Variants in TUBGCP3 observed in about 807,000 individuals in gnomAD.
The protein encoded by TUBGCP3 is gamma-tubulin complex component 3.
Under a neutral mutation model 123.1 loss-of-function variants are expected in TUBGCP3, and 50 were observed. That is an observed-to-expected ratio of 0.41 (90% confidence interval 0.32 to 0.51). The LOEUF (loss-of-function observed/expected upper bound fraction) is 0.51. Among genes scored for constraint, TUBGCP3 ranks in the 20% least tolerant of loss-of-function variants. The pLI is 0.36. For missense variants in TUBGCP3, 882 were observed against 1,127.0 expected (o/e 0.78, Z 3.11); for synonymous variants, 405 against 413.9 (o/e 0.98, Z 0.26).
At chr13:112,587,296 T>C (rs1279199964) in intron 1 of TUBGCP3, 4 of 152,264 alleles carry the variant, frequency 2.6e-5, no homozygotes, top group Non-Finnish European at 5.9e-5. Flanking sequence ...AATAGTTTTA[T>C]ATCAAATCCA....
At chr13:112,554,562 C>G (rs1453294088) in intron 7 of TUBGCP3, among the ~76,000 whole-genome samples, 1 of 152,208 alleles carries the variant, frequency 6.6e-6, no homozygotes, top group Non-Finnish European at 1.5e-5. Flanking sequence ...GACCTGGAAT[C>G]CTGCATCAAT....
chr13:112,542,811 T>G (rs1308317314), intron 11 of TUBGCP3, among the ~76,000 whole-genome samples: 2 of 152,038 alleles, frequency 1.3e-5, no homozygotes, highest in African/African-American at 4.8e-5. Flanking sequence ...TATAAAAAAT[T>G]AAAAATATAA....
At chr13:112,488,131 CAAA>C (rs35453839) in intron 21 of TUBGCP3, among the ~76,000 whole-genome samples, 66 of 53,402 alleles carry the variant, frequency 1.2e-3, no homozygotes, top group South Asian at 4.0e-3. Flanking sequence ...GACTTGGTCT[CAAA>C]AAAAAAAAAA....
the TUBGCP3 span, among the ~76,000 whole-genome samples, chr13:112,599,749 G>C: frequency 0.15 from 22,981 of 151,936 alleles, 2,028 homozygotes; most frequent in East Asian, 0.21. Context: ...TCAAACTCCT[G>C]ACCTCGTGAT....
At chr13:112,517,071 T>C (rs1198012944) in intron 16 of TUBGCP3, among the ~76,000 whole-genome samples, 3 of 152,152 alleles carry the variant, frequency 2.0e-5, no homozygotes, top group Non-Finnish European at 2.9e-5. Flanking sequence ...GGCTGGAGTG[T>C]AGTGGTGAGA....
intron 1 of TUBGCP3, among the ~76,000 whole-genome samples, chr13:112,577,370 C>T (rs1881902211): frequency 6.6e-6 from 1 of 152,102 alleles, no homozygotes; most frequent in African/African-American, 2.4e-5. Context: ...TGGGGGTCTT[C>T]CTCCCAAAAA....
chr13:112,554,019 T>C (rs759613704), intron 8 of TUBGCP3, 38 bp downstream of exon 8: 58 of 1,595,752 alleles, frequency 3.6e-5, no homozygotes, highest in Non-Finnish European at 4.8e-5. Context: ...TTTCCCAAAG[T>C]GCGCAGCATC....
chr13:112,578,960 G>C (rs1265202186), intron 1 of TUBGCP3, among the ~76,000 whole-genome samples: 1 of 152,170 alleles, frequency 6.6e-6, no homozygotes, highest in Non-Finnish European at 1.5e-5. Context: ...GAGTTTGGCA[G>C]AGTTCCTACA....
chr13:112,522,508 A>C lies in TUBGCP3; in HGVS notation c.1557T>G (p.Ala519=). 7 of 1,610,654 alleles carry C rather than the reference A, an allele frequency of 4.3e-6. No homozygotes were observed. Among genetic ancestry groups the C allele is most frequent in the Non-Finnish European group, 5.9e-6 (7 of 1,177,086 alleles). The part of the protein sequence containing the change: ...VTKSAESPQD[A]ADLFTDLENA... The stretch of plus-strand genomic sequence containing the variant: ...TTTCCAAGTCTGTGAATAGGTCTGC[A>C]GCTGTAAAGAACAACAGGGAAGAGC... The change falls in exon 14 of 22, where the codon GCT becomes GCG. Residue 519 remains alanine (A), a splice_region_variant and synonymous_variant. Coordinates refer to ENST00000261965, the MANE Select transcript of TUBGCP3 (RefSeq NM_006322.6).
intron 10 of TUBGCP3, chr13:112,547,365 G>C (rs1356200119): frequency 2.0e-6 from 1 of 496,652 alleles, no homozygotes; most frequent in Non-Finnish European, 3.2e-6. Flanking sequence ...CTGGCAAGTG[G>C]TTACGTCCCC....
chr13:112,556,300 T>G, intron 5 of TUBGCP3, 76 bp from the exon 6 acceptor site: 2 of 1,398,674 alleles, frequency 1.4e-6, no homozygotes, highest in Admixed American at 2.0e-5. Context: ...AAATTTCTCT[T>G]GTATTACTAT....
At chr13:112,527,279 C>G in intron 12 of TUBGCP3, 95 bp downstream of exon 12, 1 of 948,420 alleles carries the variant, frequency 1.1e-6, no homozygotes, top group Admixed American at 2.5e-5. Flanking sequence ...AATCTCAAAA[C>G]GCATGAAATT....
chr13:112,584,764 T>TAAGGATTACCTCATAGTTA (rs1181685016), intron 1 of TUBGCP3, among the ~76,000 whole-genome samples: 1 of 152,234 alleles, frequency 6.6e-6, no homozygotes, highest in Non-Finnish European at 1.5e-5. Flanking sequence ...AAAGTAGCTA[T>TAAGGATTACCTCATAGTTA]GAAAAGAAGT....
At chr13:112,589,138 G>A (rs765409598), upstream of TUBGCP3, among the ~76,000 whole-genome samples, 21 of 152,192 alleles carry the variant, frequency 1.4e-4, no homozygotes, top group African/African-American at 2.9e-4. Flanking sequence ...CACTGCCTTC[G>A]ATACGCATTC....
At chr13:112,572,284 C>T (rs1050340273) in intron 1 of TUBGCP3, among the ~76,000 whole-genome samples, 2 of 152,126 alleles carry the variant, frequency 1.3e-5, no homozygotes, top group African/African-American at 4.8e-5. Flanking sequence ...TTCTAAAAAA[C>T]AAAAAGCGGG....
At chr13:112,514,712 T>A (rs1347512867) in intron 17 of TUBGCP3, among the ~76,000 whole-genome samples, 1 of 152,192 alleles carries the variant, frequency 6.6e-6, no homozygotes, top group Admixed American at 6.5e-5. Context: ...TCTGATAATA[T>A]CAATAGAGTT....
At chr13:112,548,911 GT>G (rs1453828615) in intron 8 of TUBGCP3, among the ~76,000 whole-genome samples, 10 of 152,202 alleles carry the variant, frequency 6.6e-5, no homozygotes, top group Middle Eastern at 3.2e-3. Flanking sequence ...TTCAACCATT[GT>G]GGAAGACAGT....
At chr13:112,558,066 G>A (rs2139226260) in intron 5 of TUBGCP3, 130 bp downstream of exon 5, 1 of 992,518 alleles carries the variant, frequency 1.0e-6, no homozygotes, top group East Asian at 2.6e-5. Context: ...CGGACACAGT[G>A]CCCAGAACAC....
intron 3 of TUBGCP3, among the ~76,000 whole-genome samples, chr13:112,562,068 C>A (rs1266358138): frequency 6.6e-6 from 1 of 152,044 alleles, no homozygotes; most frequent in Admixed American, 6.5e-5. Context: ...CACTACCAGC[C>A]AGGAGCAACT....
Sources: allele counts gnomAD v4.1 joint callset (sites outside exome capture counted in the v4.1 genomes callset), GRCh38; gene constraint gnomAD v4.1.1; transcripts MANE v1.5; gene names NCBI Gene and HGNC (gene_info 2026-07-23, HGNC 2026-07-21).